Variants in ERBB4 observed in about 807,000 individuals in gnomAD.
ERBB4 encodes erb-b2 receptor tyrosine kinase 4.
In ERBB4, 42 loss-of-function variants were observed where a neutral mutation model predicts 158.0. The ratio of observed to expected loss-of-function variants is 0.27; its 90% CI spans 0.21 to 0.34. The LOEUF is 0.34. ERBB4 is among the 10% of genes least tolerant of loss of function. The pLI, the probability that ERBB4 is intolerant of heterozygous loss-of-function variation, is 1.00. For missense variants in ERBB4, 1,333 were observed against 1,624.1 expected (o/e 0.82, Z 3.08); for synonymous variants, 583 against 558.7 (o/e 1.04, Z -0.61).
intron 3 of ERBB4, among the ~76,000 whole-genome samples, chr2:211,935,095 T>C (rs756102792): frequency 1.5e-4 from 23 of 152,196 alleles, no homozygotes; most frequent in Non-Finnish European, 2.9e-4. Context: ...AATCAGCAGT[T>C]ATACTACCTA....
chr2:211,718,971 C>T (rs890347648), intron 7 of ERBB4, among the ~76,000 whole-genome samples: 2 of 152,120 alleles, frequency 1.3e-5, no homozygotes, highest in African/African-American at 4.8e-5. Flanking sequence ...GGAATAGGTC[C>T]TACAGGGATA....
chr2:211,718,220 T>C (rs558605345), intron 7 of ERBB4, among the ~76,000 whole-genome samples: 3 of 152,254 alleles, frequency 2.0e-5, no homozygotes, highest in African/African-American at 4.8e-5. Context: ...CCAGAAGATA[T>C]AATTTTTATA....
At chr2:212,086,217 G>A (rs987114329) in intron 2 of ERBB4, among the ~76,000 whole-genome samples, 2 of 151,738 alleles carry the variant, frequency 1.3e-5, no homozygotes, top group Admixed American at 1.3e-4. Flanking sequence ...CTATTATGTG[G>A]GCCAGAAAAG....
At chr2:212,182,112 C>A (rs2081888139) in intron 1 of ERBB4, among the ~76,000 whole-genome samples, 1 of 151,746 alleles carries the variant, frequency 6.6e-6, no homozygotes, top group Admixed American at 6.6e-5. Flanking sequence ...TAATAGTTAA[C>A]ATTCCCCAAG....
intron 2 of ERBB4, among the ~76,000 whole-genome samples, chr2:212,012,440 G>A (rs745367000): frequency 2.9e-5 from 4 of 138,044 alleles, no homozygotes; most frequent in Non-Finnish European, 6.1e-5. Flanking sequence ...TTTTTTTGAC[G>A]GAGTCTCATT....
chr2:212,190,263 G>A (rs1434710010), intron 1 of ERBB4, among the ~76,000 whole-genome samples: 4 of 152,162 alleles, frequency 2.6e-5, no homozygotes, highest in Non-Finnish European at 4.4e-5. Flanking sequence ...GCAGCTGGGC[G>A]CGGTAGCTCA....
chr2:211,932,084 G>T (rs1056840951), intron 3 of ERBB4, among the ~76,000 whole-genome samples: 5 of 152,048 alleles, frequency 3.3e-5, no homozygotes, highest in African/African-American at 9.7e-5. Context: ...ACAACTTCAT[G>T]TTGCTAGGGC....
chr2:211,857,928 C>T (rs1398055641), intron 3 of ERBB4, among the ~76,000 whole-genome samples: 6 of 152,188 alleles, frequency 3.9e-5, no homozygotes, highest in African/African-American at 1.4e-4. Flanking sequence ...CCTCTGTCAT[C>T]TGTATGAGGA....
At chr2:211,683,111 A>G (rs1285806219) in intron 12 of ERBB4, among the ~76,000 whole-genome samples, 1 of 144,844 alleles carries the variant, frequency 6.9e-6, no homozygotes, top group Non-Finnish European at 1.5e-5. Context: ...TAAATTTAAT[A>G]TTTTATTCTG....
chr2:211,382,000 G>A lies in ERBB4; in HGVS notation c.*1615C>T, dbSNP rs1490752407. The A allele has an allele frequency of 5.7e-5, 13 of 228,814 alleles. No individual in the cohort carries two copies. In the Admixed American group the frequency reaches 7.4e-4, roughly 13 times the overall value. The allele number at this position is 228,814 out of a possible 1,614,324, so 14.2% of individuals were successfully genotyped here. On this transcript the variant is annotated 3_prime_UTR_variant, in exon 28 of 28. Coordinates refer to ENST00000342788, the MANE Select transcript of ERBB4 (RefSeq NM_005235.3). The stretch of plus-strand genomic sequence containing the variant: ...TTCTTTCAAAATGATACATAATAAT[G>A]ATGGTTCTAGTACTGGATGCAGTAT...
intron 3 of ERBB4, among the ~76,000 whole-genome samples, chr2:211,892,458 A>G (rs1347842002): frequency 4.0e-5 from 5 of 125,628 alleles, no homozygotes; most frequent in African/African-American, 1.7e-4. Context: ...ATCATACTGA[A>G]TGGGCAAAAA....
intron 1 of ERBB4, among the ~76,000 whole-genome samples, chr2:212,361,609 G>C (rs567038895): frequency 6.6e-6 from 1 of 151,820 alleles, no homozygotes; most frequent in East Asian, 1.9e-4. Flanking sequence ...GTGTGAGAGT[G>C]CATGGTTAGA....
intron 16 of ERBB4, among the ~76,000 whole-genome samples, chr2:211,654,076 A>G (rs1014262195): frequency 1.3e-5 from 2 of 152,198 alleles, no homozygotes; most frequent in African/African-American, 4.8e-5. Flanking sequence ...ATTTAAAAAT[A>G]TTATTAAATT....
chr2:211,959,339 A>G (rs1261893572), intron 2 of ERBB4, among the ~76,000 whole-genome samples: 2 of 152,156 alleles, frequency 1.3e-5, no homozygotes, highest in African/African-American at 4.8e-5. Flanking sequence ...TGGCTTGCCA[A>G]GAAAGATTTA....
chr2:212,223,317 A>C (rs1169658097), intron 1 of ERBB4, among the ~76,000 whole-genome samples: 2 of 127,246 alleles, frequency 1.6e-5, no homozygotes, highest in African/African-American at 5.8e-5. Context: ...TATTTTAGCA[A>C]TATCCTTATT....
intron 2 of ERBB4, among the ~76,000 whole-genome samples, chr2:212,027,199 G>A (rs2076793408): frequency 6.6e-6 from 1 of 151,952 alleles, no homozygotes. Flanking sequence ...ATTATGAATA[G>A]CATTGGAGAT....
At chr2:211,665,551 T>C in intron 14 of ERBB4, 74 bp from the exon 15 acceptor site, 1 of 1,460,742 alleles carries the variant, frequency 6.8e-7, no homozygotes, top group East Asian at 2.4e-5. Flanking sequence ...TCATGTGGTT[T>C]AGTTACTGAG....
chr2:212,385,679 T>A (rs1396260361), intron 1 of ERBB4, among the ~76,000 whole-genome samples: 1 of 151,816 alleles, frequency 6.6e-6, no homozygotes, highest in East Asian at 1.9e-4. Context: ...AGAGAAAAAG[T>A]AGTTATGTGG....
chr2:212,382,255 A>ATATATT, intron 1 of ERBB4, among the ~76,000 whole-genome samples: 1 of 149,866 alleles, frequency 6.7e-6, no homozygotes, highest in East Asian at 1.9e-4. Flanking sequence ...TATATTTACT[A>ATATATT]TATATTTATA....
Sources: allele counts gnomAD v4.1 joint callset (sites outside exome capture counted in the v4.1 genomes callset), GRCh38; gene constraint gnomAD v4.1.1; transcripts MANE v1.5; gene names NCBI Gene and HGNC (gene_info 2026-07-23, HGNC 2026-07-21).